GSE1: variants seen among roughly 807,000 people sequenced by gnomAD.
GSE1 encodes Gse1 coiled-coil protein.
In GSE1, 32 loss-of-function variants were observed where a neutral mutation model predicts 112.6. The ratio of observed to expected loss-of-function variants is 0.28; its 90% confidence interval spans 0.21 to 0.38. The LOEUF (loss-of-function observed/expected upper bound fraction) is 0.38, where lower values mean the gene tolerates loss of function less well. Among genes scored for constraint, GSE1 ranks in the 10% least tolerant of loss-of-function variants. The probability of loss-of-function intolerance (pLI) is 1.00; values close to 1 mark genes in which losing one functional copy is unlikely to be tolerated. For missense variants in GSE1, 2,348 were observed against 1,699.2 expected (o/e 1.38, Z -6.71); for synonymous variants, 1,115 against 735.6 (o/e 1.52, Z -8.35).
intron 1 of GSE1, among the ~76,000 whole-genome samples, chr16:85,619,646 T>C (rs370372704): frequency 2.0e-5 from 3 of 152,168 alleles, no homozygotes; most frequent in South Asian, 4.1e-4. Context: ...AGTAACCAGA[T>C]GGGAAAGACT....
At chr16:85,393,496 T>C (rs2047894388) in intron 2 of GSE1, among the ~76,000 whole-genome samples, 1 of 152,204 alleles carries the variant, frequency 6.6e-6, no homozygotes, top group African/African-American at 2.4e-5. Flanking sequence ...AGGTGCCTAA[T>C]AAATGCCTCT....
At chr16:85,473,686 C>T (rs548339637) in intron 2 of GSE1, among the ~76,000 whole-genome samples, 1 of 152,326 alleles carries the variant, frequency 6.6e-6, no homozygotes, top group South Asian at 2.1e-4. Flanking sequence ...TGCAGGAGCC[C>T]TCACTTAACC....
rs145434141 is a variant in GSE1, at chr16:85,665,108, G to A, written c.2738G>A (p.Ser913Asn). Residue 913 changes from serine to asparagine, a missense_variant, in exon 12 of 16, where the codon AGT (serine) becomes AAT (asparagine). By Grantham distance (46) the Ser-to-Asn change is conservative. Coordinates refer to ENST00000253458, the MANE Select transcript of GSE1 (RefSeq NM_014615.5). ...ADSLTNSPRDSPAVSLSEPAT... is the reference protein window; with the variant it reads ...ADSLTNSPRDNPAVSLSEPAT... ...TCCTTGACAAACTCTCCGAGGGACA[G>A]TCCTGCCGTCTCCCTGAGTGGTAAG... 8.7e-6 allele frequency: 14 copies of A among 1,605,722 alleles called. No individual in the cohort carries two copies. The East Asian group carries it at 3.1e-4, about 36-fold the overall frequency.
In GSE1 at chr16:85,442,441, G is replaced by GGATGA. The variant is rs113751813; in HGVS notation, c.2464+84798_2464+84799insGATGA. Among the ~76,000 whole-genome samples, 99 of 150,472 alleles carry GGATGA rather than the reference G, an allele frequency of 6.6e-4. No homozygotes were observed. In the East Asian group the frequency reaches 8.5e-3, roughly 13 times the overall value. On this transcript the variant is annotated intron_variant, in intron 2 of 2. Coordinates refer to the GSE1 transcript ENST00000637419. ...TGGACAAATGTTTATTGAATGAATG[G>GGATGA]ATGAATGAATGAATGAATGAATGAA...
chr16:85,588,348 C>A (rs1055439692), intron 1 of GSE1, among the ~76,000 whole-genome samples: 4 of 152,236 alleles, frequency 2.6e-5, no homozygotes, highest in Non-Finnish European at 4.4e-5. Flanking sequence ...ACTGGCCCCC[C>A]CTTCCCCGCT....
rs114892539 is a variant in GSE1, at chr16:85,668,423, A to C, written c.3414A>C (p.Glu1138Asp). The C allele has an allele frequency of 2.3e-3, 3,414 of 1,500,458 alleles. 71 individuals carry two copies. The African/African-American group carries it at 0.041, about 18-fold the overall frequency. 92.9% of individuals were successfully genotyped at this position (1,500,458 alleles called of 1,614,324 possible). A position where few individuals can be genotyped will look rare whatever the true frequency, so the allele number is the denominator to read the frequency against. Reference protein sequence around the residue: ...AVFEAYQEHIEEQNLERQVLQ... With the variant: ...AVFEAYQEHIDEQNLERQVLQ... ...TTGAAGCTTACCAGGAACACATAGA[A>C]GGTAAGGGGGTGCTGGGGAAGAGGG... Residue 1138 changes from glutamate to aspartate, a missense_variant and splice_region_variant, in exon 14 of 16, where the codon GAA becomes GAC. Physicochemically the swap from Glu to Asp is conservative, Grantham distance 45. Transcript: ENST00000253458.
chr16:85,445,367 G>T (rs1272124151), intron 2 of GSE1, among the ~76,000 whole-genome samples: 1 of 152,254 alleles, frequency 6.6e-6, no homozygotes, highest in Non-Finnish European at 1.5e-5. Context: ...CGTGAACATG[G>T]GGGGCGGGAG....
At chr16:85,213,889 T>A (rs2075267271) in intron 1 of GSE1, among the ~76,000 whole-genome samples, 1 of 152,238 alleles carries the variant, frequency 6.6e-6, no homozygotes, top group Admixed American at 6.5e-5. Flanking sequence ...TGTTGGCAGC[T>A]GTGCCAGGTC....
chr16:85,308,942 C>T (rs2045754384), intron 1 of GSE1, among the ~76,000 whole-genome samples: 1 of 149,586 alleles, frequency 6.7e-6, no homozygotes. Context: ...TTCAGAAGCG[C>T]AGATGCACGG....
At chr16:85,555,907 C>T, upstream of GSE1, 1 of 902,834 alleles carries the variant, frequency 1.1e-6, no homozygotes, top group Non-Finnish European at 1.3e-6. Context: ...CTTTATTTTT[C>T]TCTCGCTCCT....
chr16:85,629,576 C>T (rs2049373058), intron 1 of GSE1, among the ~76,000 whole-genome samples: 1 of 152,188 alleles, frequency 6.6e-6, no homozygotes, highest in Admixed American at 6.5e-5. Context: ...TCATCTCAGC[C>T]CTGCTCTGCA....
At chr16:85,609,196 G>A (rs2047852629), upstream of GSE1, among the ~76,000 whole-genome samples, 1 of 152,192 alleles carries the variant, frequency 6.6e-6, no homozygotes, top group Non-Finnish European at 1.5e-5. Flanking sequence ...TGTCCCCTCT[G>A]TCAGCATCTG....
At chr16:85,382,345 A>G (rs8059258) in intron 2 of GSE1, among the ~76,000 whole-genome samples, 126,778 of 152,186 alleles carry the variant, frequency 0.83, 52,983 homozygotes, top group Non-Finnish European at 0.87. Flanking sequence ...AGACCCTCTG[A>G]GACAGGATTT....
chr16:85,267,416 C>CGGCCGAGGAGGGAGGCGGTGATG (rs1908364441), intron 1 of GSE1, among the ~76,000 whole-genome samples: 1 of 152,128 alleles, frequency 6.6e-6, no homozygotes, highest in Non-Finnish European at 1.5e-5. Context: ...CCCAAGGATA[C>CGGCCGAGGAGGGAGGCGGTGATG]CTGGCATGGA....
At chr16:85,559,743 G>C (rs1469186572) in intron 1 of GSE1, among the ~76,000 whole-genome samples, 1 of 152,182 alleles carries the variant, frequency 6.6e-6, no homozygotes, top group Non-Finnish European at 1.5e-5. Flanking sequence ...ATCCATAATT[G>C]TATCTCCCTC....
chr16:85,335,180 G>A (rs1263975314), intron 1 of GSE1, among the ~76,000 whole-genome samples: 3 of 152,252 alleles, frequency 2.0e-5, no homozygotes, highest in Non-Finnish European at 4.4e-5. Flanking sequence ...ACCTCGGAGG[G>A]TGGAGGGGAA....
intron 1 of GSE1, among the ~76,000 whole-genome samples, chr16:85,310,789 C>T (rs566560674): frequency 2.7e-5 from 4 of 150,930 alleles, no homozygotes; most frequent in African/African-American, 4.9e-5. Flanking sequence ...GTCCCCCCCC[C>T]ACCCACCTCC....
At chr16:85,645,239 C>T (rs1361890618) in intron 2 of GSE1, among the ~76,000 whole-genome samples, 2 of 152,052 alleles carry the variant, frequency 1.3e-5, no homozygotes, top group African/African-American at 4.8e-5. Flanking sequence ...CAGCCCTCAG[C>T]CTCATTCCCC....
rs753487550 is a variant in GSE1, at chr16:85,665,035, ATGC to A, written c.2667_2669del (p.Met889_Leu890delinsIle). On this transcript the variant is annotated inframe_deletion, in exon 12 of 16. Transcript: ENST00000253458. ...CATAGACAAAGAGAGACTTGTTGAA[ATGC>A]TCCGTGCCATGAAGCAGAAGGCACT... The A allele has an allele frequency of 1.9e-6, 3 of 1,609,322 alleles. No individual in the cohort carries two copies. Among genetic ancestry groups the A allele is most frequent in the Non-Finnish European group, 1.7e-6 (2 of 1,175,884 alleles).
Sources: gnomAD v4.1 joint callset for allele counts (sites outside exome capture counted in the v4.1 genomes callset) on GRCh38, gnomAD v4.1.1 for gene constraint, MANE v1.5 for transcripts, NCBI Gene and HGNC (gene_info 2026-07-23, HGNC 2026-07-21) for gene names.